CEP128: variants seen among roughly 807,000 people sequenced by gnomAD.
CEP128 encodes centrosomal protein 128.
Under a neutral mutation model 156.7 loss-of-function variants are expected in CEP128, and 132 were observed. The ratio of observed to expected loss-of-function variants is 0.84; its 90% CI spans 0.73 to 0.97. CEP128 has a LOEUF of 0.97. CEP128 is among the 50% of genes least tolerant of loss of function. CEP128 has a pLI of 0.00. For synonymous variants in CEP128, 469 were observed against 448.9 expected, an observed-to-expected ratio of 1.04 and a Z score of -0.57; for missense variants, 1,252 against 1,281.9, an observed-to-expected ratio of 0.98 and a Z score of 0.36.
intron 14 of CEP128, among the ~76,000 whole-genome samples, chr14:80,790,631 T>C (rs1901654965): frequency 6.6e-6 from 1 of 152,006 alleles, no homozygotes; most frequent in Non-Finnish European, 1.5e-5. Flanking sequence ...CCTTCAGTAA[T>C]GAAGTAGTTT....
At chr14:80,930,721 G>GT (rs1421306130) in intron 2 of CEP128, among the ~76,000 whole-genome samples, 3 of 152,174 alleles carry the variant, frequency 2.0e-5, no homozygotes, top group African/African-American at 7.2e-5. Context: ...AGCCTCTGGA[G>GT]TTTTTCAAAA....
chr14:80,808,514 T>A (rs1197075606), intron 13 of CEP128, among the ~76,000 whole-genome samples: 1 of 152,078 alleles, frequency 6.6e-6, no homozygotes, highest in African/African-American at 2.4e-5. Context: ...AGCACCTGCT[T>A]AGGGATCTGA....
chr14:80,495,962 G>A (rs549294611), downstream of CEP128, among the ~76,000 whole-genome samples: 3 of 152,234 alleles, frequency 2.0e-5, no homozygotes, highest in African/African-American at 7.2e-5. Flanking sequence ...CACCAGGACT[G>A]TGAGTCACAC....
intron 18 of CEP128, among the ~76,000 whole-genome samples, chr14:80,756,118 C>T (rs940361284): frequency 2.0e-5 from 3 of 152,194 alleles, no homozygotes; most frequent in African/African-American, 4.8e-5. Flanking sequence ...AAATGAGAAA[C>T]GCAATATTAA....
intron 18 of CEP128, among the ~76,000 whole-genome samples, chr14:80,750,459 A>T (rs554978953): frequency 2.0e-4 from 31 of 152,158 alleles, no homozygotes; most frequent in Non-Finnish European, 3.7e-4. Context: ...GTCTTTATGC[A>T]ATTGTCTGAG....
intron 19 of CEP128, among the ~76,000 whole-genome samples, chr14:80,588,662 C>T (rs890945968): frequency 1.3e-5 from 2 of 152,038 alleles, no homozygotes; most frequent in Non-Finnish European, 2.9e-5. Flanking sequence ...GTTGCCCCAT[C>T]CCCTCCCCAC....
At chr14:80,495,460 A>G (rs1002588479), downstream of CEP128, among the ~76,000 whole-genome samples, 1 of 152,156 alleles carries the variant, frequency 6.6e-6, no homozygotes, top group Non-Finnish European at 1.5e-5. Flanking sequence ...AGTGTGTTCC[A>G]TATTTAAGTC....
At chr14:80,535,219 A>G (rs981516729) in intron 21 of CEP128, among the ~76,000 whole-genome samples, 1 of 152,240 alleles carries the variant, frequency 6.6e-6, no homozygotes, top group Non-Finnish European at 1.5e-5. Context: ...TATCATCATT[A>G]TACAGATAAG....
chr14:80,831,214 C>G lies in CEP128; in HGVS notation c.1138G>C (p.Glu380Gln). ...VQLNFSAMAS[E>Q]LEEVKRCMER... ...ATGCACCGTTTCACTTCCTCTAACT[C>G]AGATGCCATTGCGCTGAAGTTCAGC... Residue 380 changes from glutamate to glutamine, a missense_variant, in exon 13 of 25, where the codon GAG (glutamate) becomes CAG (glutamine). Glu to Gln is a conservative substitution (Grantham distance 29). Coordinates refer to ENST00000555265, the MANE Select transcript of CEP128 (RefSeq NM_152446.5). 1 of 1,614,074 alleles carries G rather than the reference C, an allele frequency of 6.2e-7. No homozygotes were observed. The highest frequency in any genetic ancestry group is 8.5e-7 in the Non-Finnish European group (1 of 1,179,948).
intron 19 of CEP128, among the ~76,000 whole-genome samples, chr14:80,722,496 T>A (rs2139467626): frequency 6.6e-6 from 1 of 151,930 alleles, no homozygotes; most frequent in East Asian, 1.9e-4. Flanking sequence ...TATGTATACA[T>A]ATTTATATAT....
chr14:80,486,129 T>C (rs1244173699), downstream of CEP128, among the ~76,000 whole-genome samples: 1 of 152,140 alleles, frequency 6.6e-6, no homozygotes, highest in Non-Finnish European at 1.5e-5. Flanking sequence ...AGTTACTCAA[T>C]AAATAAGTAC....
At chr14:80,816,770 G>A (rs1214915387) in intron 13 of CEP128, among the ~76,000 whole-genome samples, 2 of 152,238 alleles carry the variant, frequency 1.3e-5, no homozygotes, top group Middle Eastern at 3.4e-3. Context: ...TAAGAGAATC[G>A]TAATTTTGTA....
intron 6 of CEP128, among the ~76,000 whole-genome samples, chr14:80,900,807 T>C (rs986147420): frequency 1.3e-5 from 2 of 152,146 alleles, no homozygotes; most frequent in Non-Finnish European, 2.9e-5. Context: ...ATGTAGGTAG[T>C]AAAAATTAAA....
At chr14:80,874,399 G>C (rs1307853096) in intron 8 of CEP128, among the ~76,000 whole-genome samples, 1 of 151,916 alleles carries the variant, frequency 6.6e-6, no homozygotes, top group African/African-American at 2.4e-5. Context: ...AGGAGGTGGA[G>C]GTTGCAGCGA....
At chr14:80,808,011 C>T (rs1884282972) in intron 13 of CEP128, among the ~76,000 whole-genome samples, 1 of 152,314 alleles carries the variant, frequency 6.6e-6, no homozygotes, top group South Asian at 2.1e-4. Context: ...GCCCCTGAAA[C>T]AAAGGATACC....
Position 80,688,637 on chromosome 14 carries a change from C to T in CEP128, c.2806+54438G>A, listed in dbSNP as rs575801593. On this transcript the variant is annotated intron_variant, in intron 19 of 24. Coordinates refer to ENST00000555265, the MANE Select transcript of CEP128 (RefSeq NM_152446.5). The stretch of plus-strand genomic sequence containing the variant: ...GCATCACCTAAAAATCTCCTGGAAA[C>T]CCACATTCACTTTGCTGTGAGTTGA... 5.9e-5 allele frequency among the ~76,000 whole-genome samples: 9 copies of T among 152,306 alleles called. No individual in the cohort carries two copies. The South Asian group carries it at 1.2e-3, about 21-fold the overall frequency.
At chr14:80,658,119 T>C in intron 19 of CEP128, among the ~76,000 whole-genome samples, 1 of 152,134 alleles carries the variant, frequency 6.6e-6, no homozygotes, top group Non-Finnish European at 1.5e-5. Context: ...TCCAGAAACA[T>C]GAAAAAAATT....
chr14:80,794,468 A>T (rs531352243), intron 13 of CEP128, among the ~76,000 whole-genome samples: 1 of 152,276 alleles, frequency 6.6e-6, no homozygotes, highest in Admixed American at 6.5e-5. Flanking sequence ...TGTGTGTAGA[A>T]AATTCTAAAA....
intron 1 of CEP128, among the ~76,000 whole-genome samples, chr14:80,940,987 C>T (rs1472978530): frequency 2.6e-5 from 4 of 152,188 alleles, no homozygotes; most frequent in Non-Finnish European, 5.9e-5. Context: ...CAGACGCCTA[C>T]ATAACAGATT....
Sources: gnomAD v4.1 joint callset for allele counts (sites outside exome capture counted in the v4.1 genomes callset) on GRCh38, gnomAD v4.1.1 for gene constraint, MANE v1.5 for transcripts, NCBI Gene and HGNC (gene_info 2026-07-23, HGNC 2026-07-21) for gene names.